The following ECM2 variants were observed in gnomAD, a reference collection of about 807,000 sequenced individuals.
The protein encoded by ECM2 is extracellular matrix protein 2, female organ and adipocyte specific.
In ECM2, 57 loss-of-function variants were observed where a neutral mutation model predicts 67.5. The observed-to-expected ratio is 0.84, with a 90% CI of 0.68 to 1.05. The LOEUF (loss-of-function observed/expected upper bound fraction) is 1.05, where lower values mean the gene tolerates loss of function less well. Ranked by LOEUF, ECM2 falls within the 50% of genes least tolerant of loss-of-function variation. The probability of loss-of-function intolerance (pLI) is 0.00; values close to 1 mark genes in which losing one functional copy is unlikely to be tolerated. For synonymous variants in ECM2, 258 were observed against 294.5 expected, an observed-to-expected ratio of 0.88 and a Z score of 1.27; for missense variants, 741 against 822.8, an observed-to-expected ratio of 0.90 and a Z score of 1.22.
chr9:92,502,643 G>A lies in ECM2; in HGVS notation c.1474C>T (p.Leu492=). 6.4e-7 allele frequency: 1 copy of A among 1,573,904 alleles called. No homozygotes were observed. The highest frequency in any genetic ancestry group is 8.7e-7 in the Non-Finnish European group (1 of 1,151,650). Residue 492 remains leucine, a synonymous_variant, in exon 8 of 10, where the codon CTA becomes TTA. Transcript: ENST00000344604. ...ATTTCTTCAATTTGGTTATTTTCTA[G>A]GTATAATTCCTATAATTAAGAGAGA... ...GLPGSIEELY[L]ENNQIEEITE...
intron 6 of ECM2, among the ~76,000 whole-genome samples, chr9:92,508,173 C>G: frequency 6.6e-6 from 1 of 152,182 alleles, no homozygotes; most frequent in East Asian, 1.9e-4. Flanking sequence ...CATCAGGACT[C>G]CCAGCCAGGG....
chr9:92,515,839 A>G lies in ECM2; in HGVS notation c.482-636T>C, dbSNP rs76604402. ...CTTTACTACCTGAGACTTACAAATG[A>G]CATTCTGGACTTAAGTGATGTTGCT... is the stretch of plus-strand genomic sequence containing the variant. On this transcript the variant is annotated intron_variant, in intron 3 of 9. Transcript: ENST00000344604. 7.6e-4 allele frequency among the ~76,000 whole-genome samples: 115 copies of G among 152,280 alleles called. No individual in the cohort carries two copies. The East Asian group carries it at 0.02, about 27-fold the overall frequency.
chr9:92,519,942 A>G (rs1018028865), intron 2 of ECM2, among the ~76,000 whole-genome samples: 1 of 151,448 alleles, frequency 6.6e-6, no homozygotes, highest in Non-Finnish European at 1.5e-5. Context: ...GAATATTCAT[A>G]AAGAACTCTT....
At chr9:92,556,991 A>G in the ECM2 span, among the ~76,000 whole-genome samples, 1 of 152,118 alleles carries the variant, frequency 6.6e-6, no homozygotes, top group African/African-American at 2.4e-5. Flanking sequence ...CAAGATTTAG[A>G]GTTTCTTTTA....
intron 4 of ECM2, among the ~76,000 whole-genome samples, chr9:92,514,273 A>G (rs947334639): frequency 7.2e-6 from 1 of 139,516 alleles, no homozygotes; most frequent in African/African-American, 2.6e-5. Flanking sequence ...AGAGTCATTT[A>G]CTTTTTTTTT....
intron 1 of ECM2, among the ~76,000 whole-genome samples, chr9:92,527,446 CA>C (rs2131265743): frequency 6.6e-6 from 1 of 152,318 alleles, no homozygotes; most frequent in East Asian, 1.9e-4. Flanking sequence ...TAGGTTGTCC[CA>C]TCTAGGTTCG....
intron 7 of ECM2, among the ~76,000 whole-genome samples, chr9:92,503,298 A>T (rs6479423): frequency 0.4 from 61,075 of 152,062 alleles, 14,281 homozygotes; most frequent in African/African-American, 0.64. Flanking sequence ...CAGATATTTT[A>T]ATCTCTACTT....
intron 4 of ECM2, 29 bp from the exon 5 acceptor site, chr9:92,512,155 C>T: frequency 1.3e-6 from 2 of 1,508,750 alleles, no homozygotes; most frequent in Non-Finnish European, 1.8e-6. Flanking sequence ...ATGTTTTAGG[C>T]ATGTGTGCAT....
chr9:92,522,793 A>G lies in ECM2; in HGVS notation c.74T>C (p.Ile25Thr). ...GATCTTCCTCCTTTGCTTCCTAGGAATTTCTTCATTTTTTCCAAAGTCAGT... is the reference window on the plus strand; with the variant it reads ...GATCTTCCTCCTTTGCTTCCTAGGAGTTTCTTCATTTTTTCCAAAGTCAGT... ...FQTDFGKNEE[I>T]PRKQRRKIYH... The change falls in exon 2 of 10, where the codon ATT (isoleucine) becomes ACT (threonine). Residue 25 changes from isoleucine (I) to threonine (T), a missense_variant. By Grantham distance (89) the Ile-to-Thr change is moderately conservative. Transcript: ENST00000344604. 1.2e-6 allele frequency: 2 copies of G among 1,613,266 alleles called. No individual in the cohort carries two copies. The highest frequency in any genetic ancestry group is 1.7e-6 in the Non-Finnish European group (2 of 1,179,830).
chr9:92,523,331 G>A (rs72754436), intron 1 of ECM2, among the ~76,000 whole-genome samples: 6,067 of 152,238 alleles, frequency 0.04, 184 homozygotes, highest in South Asian at 0.099. Context: ...TATTTGAGGC[G>A]TCATAGGCTA....
At chr9:92,510,235 T>G (rs998495513) in intron 5 of ECM2, among the ~76,000 whole-genome samples, 5 of 152,230 alleles carry the variant, frequency 3.3e-5, no homozygotes, top group Non-Finnish European at 5.9e-5. Context: ...CTCAGGGATT[T>G]TCAGCAGACT....
At chr9:92,553,997 A>C in the ECM2 span, among the ~76,000 whole-genome samples, 1 of 152,152 alleles carries the variant, frequency 6.6e-6, no homozygotes, top group Non-Finnish European at 1.5e-5. Context: ...TCCAGTTCTC[A>C]GAATGCTTTC....
At chr9:92,554,608 T>G in the ECM2 span, among the ~76,000 whole-genome samples, 1 of 152,188 alleles carries the variant, frequency 6.6e-6, no homozygotes, top group Non-Finnish European at 1.5e-5. Context: ...TGTTGTTGGA[T>G]TCTATTAGCT....
Position 92,501,035 on chromosome 9 carries a change from A to G in ECM2, c.1623T>C (p.Asp541=). Residue 541 remains aspartate, a synonymous_variant, in exon 9 of 10, where the codon GAT becomes GAC. Coordinates refer to ENST00000344604, the MANE Select transcript of ECM2 (RefSeq NM_001393.4). The part of the protein sequence containing the change: ...WINQENLESI[D]LSYNKLYHVP... Reference sequence around the variant, plus strand: ...CGTGATAGAGCTTGTTGTAGGAGAGATCAATGGATTCTAGATTTCTGCAGC... The same window carrying G: ...CGTGATAGAGCTTGTTGTAGGAGAGGTCAATGGATTCTAGATTTCTGCAGC... 1 of 1,612,806 alleles carries G rather than the reference A, an allele frequency of 6.2e-7. No homozygotes were observed. The highest frequency in any genetic ancestry group is 8.5e-7 in the Non-Finnish European group (1 of 1,178,894).
the ECM2 span, among the ~76,000 whole-genome samples, chr9:92,545,436 G>A: frequency 2.0e-5 from 3 of 152,200 alleles, no homozygotes; most frequent in African/African-American, 7.2e-5. Context: ...AGCAGTGCCG[G>A]CCCACCGGCG....
intron 3 of ECM2, among the ~76,000 whole-genome samples, chr9:92,516,266 T>C (rs1425492582): frequency 6.6e-6 from 1 of 152,096 alleles, no homozygotes; most frequent in East Asian, 1.9e-4. Flanking sequence ...GGTTTCACCA[T>C]GTTGACCAGG....
In ECM2 at chr9:92,509,988, A is replaced by G. The variant is rs1588202278; in HGVS notation, c.1217T>C (p.Ile406Thr). 1.2e-6 allele frequency: 2 copies of G among 1,609,946 alleles called. No individual in the cohort carries two copies. The stretch of plus-strand genomic sequence containing the variant: ...AGATGGCAATTGTGAAGGAATCTGT[A>G]TCAAATTATTTCCATCCATATTCAA... ...MRLNMDGNNL[I>T]QIPSQLPSTL... is the part of the protein sequence containing the mutation. The change falls in exon 6 of 10, where the codon ATA (isoleucine) becomes ACA (threonine). Residue 406 changes from isoleucine (I) to threonine (T), a missense_variant. Transcript: ENST00000344604.
the ECM2 span, among the ~76,000 whole-genome samples, chr9:92,547,776 A>G: frequency 6.6e-6 from 1 of 152,348 alleles, no homozygotes; most frequent in Non-Finnish European, 1.5e-5. Flanking sequence ...ATGGAATTGT[A>G]TATTTTAAAG....
At chr9:92,539,872 T>C (rs577832457), upstream of ECM2, among the ~76,000 whole-genome samples, 9 of 152,300 alleles carry the variant, frequency 5.9e-5, no homozygotes, top group East Asian at 1.5e-3. Flanking sequence ...TTTGGGTTGT[T>C]TCCCCTTTCC....
Sources: allele counts gnomAD v4.1 joint callset (sites outside exome capture counted in the v4.1 genomes callset), GRCh38; gene constraint gnomAD v4.1.1; transcripts MANE v1.5; gene names NCBI Gene and HGNC (gene_info 2026-07-23, HGNC 2026-07-21).